The following ZNF106 variants were observed in gnomAD, a reference collection of about 807,000 sequenced individuals.
The protein encoded by ZNF106 is SH3-domain binding protein 3.
ZNF106 carries 67 observed loss-of-function variants against 195.1 expected under a neutral mutation model. The ratio of observed to expected loss-of-function variants is 0.34; its 90% CI spans 0.28 to 0.42. ZNF106 has a LOEUF of 0.42. ZNF106 is among the 10% of genes least tolerant of loss of function. The pLI, the probability that ZNF106 is intolerant of heterozygous loss-of-function variation, is 1.00. For missense variants in ZNF106, 2,118 were observed against 2,304.5 expected (o/e 0.92, Z 1.66); for synonymous variants, 784 against 818.6 (o/e 0.96, Z 0.72).
intron 20 of ZNF106, 75 bp from the exon 21 acceptor site, chr15:42,418,026 A>T (rs2054519930): frequency 6.8e-7 from 1 of 1,462,638 alleles, no homozygotes; most frequent in Non-Finnish European, 9.2e-7. Flanking sequence ...CCCCAGCTGG[A>T]TCCCATAAGC....
intron 4 of ZNF106, among the ~76,000 whole-genome samples, chr15:42,453,170 GGTA>G (rs2141367220): frequency 6.6e-6 from 1 of 152,252 alleles, no homozygotes; most frequent in East Asian, 1.9e-4. Flanking sequence ...AACTGTTAGT[GGTA>G]TAAGAAGACT....
chr15:42,442,825 C>A (rs1452568257), intron 9 of ZNF106, among the ~76,000 whole-genome samples: 1 of 151,658 alleles, frequency 6.6e-6, no homozygotes, highest in Non-Finnish European at 1.5e-5. Flanking sequence ...ACTCTGTCAC[C>A]CAGGCTGGAG....
chr15:42,430,062 T>C lies in ZNF106; in HGVS notation c.4882-1928A>G, dbSNP rs865958399. Among the ~76,000 whole-genome samples, 10 of 152,200 alleles carry C rather than the reference T, an allele frequency of 6.6e-5. 1 individual carries two copies. The highest frequency in any genetic ancestry group is 4.1e-4 in the South Asian group (2 of 4,826). Reference sequence around the variant, plus strand: ...TTTGTGGTAGTTATACAAACAAATATCTGCAGAAAAATTCATCAAGCTGTA... The same window carrying C: ...TTTGTGGTAGTTATACAAACAAATACCTGCAGAAAAATTCATCAAGCTGTA... On this transcript the variant is annotated intron_variant, in intron 14 of 21. Transcript: ENST00000564754.
rs762772817 is a variant in ZNF106 at position 42,435,416 on chromosome 15, T to C, written c.4849A>G (p.Ser1617Gly). ...GKNAALYTGS[S>G]DHTIRCYNVK... ...TTATAGCAGCGGATGGTATGGTCAC[T>C]GGACCCGGTGTAAAGGGCAGCATTC... is the stretch of plus-strand genomic sequence containing the variant. Residue 1617 changes from serine (S) to glycine (G), a missense_variant, in exon 14 of 22, where the codon AGT becomes GGT. By Grantham distance (56) the Ser-to-Gly change is moderately conservative. Transcript: ENST00000564754. 8 of 1,614,192 alleles carry C rather than the reference T, an allele frequency of 5.0e-6. No homozygotes were observed. The highest frequency in any genetic ancestry group is 3.3e-4 in the Middle Eastern group (2 of 6,062).
In ZNF106 at chr15:42,413,470, G is replaced by A. The variant is rs1461229322; in HGVS notation, c.*3834C>T. The A allele has an allele frequency of 1.3e-5, 2 of 152,540 alleles. No individual in the cohort carries two copies. The highest frequency in any genetic ancestry group is 4.8e-5 in the African/African-American group (2 of 41,428). The allele number at this position is 152,540 out of a possible 1,614,324, so 9.4% of individuals were successfully genotyped here. On this transcript the variant is annotated 3_prime_UTR_variant, in exon 22 of 22. Coordinates refer to ENST00000564754, the MANE Select transcript of ZNF106 (RefSeq NM_001366845.3). ...GTAAGCATAAACTGCAGTTATTTGA[G>A]CAAACCAGAGCATATGTGCTGTTCA...
chr15:42,462,269 A>C (rs2056408451), intron 3 of ZNF106, among the ~76,000 whole-genome samples: 1 of 152,216 alleles, frequency 6.6e-6, no homozygotes, highest in Non-Finnish European at 1.5e-5. Context: ...TGGTTCATTA[A>C]GTTAACATCA....
chr15:42,455,286 G>A lies in ZNF106; in HGVS notation c.317+1672C>T, dbSNP rs1046682333. Among the ~76,000 whole-genome samples, 4 of 152,264 alleles carry A rather than the reference G, an allele frequency of 2.6e-5. No individual in the cohort carries two copies. The South Asian group carries it at 6.2e-4, about 24-fold the overall frequency. On this transcript the variant is annotated intron_variant, in intron 4 of 21. Coordinates refer to ENST00000564754, the MANE Select transcript of ZNF106 (RefSeq NM_001366845.3). The stretch of plus-strand genomic sequence containing the variant: ...TTGCATATACATAATGGGATATTAC[G>A]GGAATGGGACCCAAGTCTAAACATA...
intron 4 of ZNF106, among the ~76,000 whole-genome samples, chr15:42,453,691 G>A (rs7169767): frequency 0.07 from 10,578 of 151,734 alleles, 813 homozygotes; most frequent in Admixed American, 0.16. Context: ...TGCCTCTCGA[G>A]TTCAAGCGAT....
At chr15:42,483,097 T>G (rs1184910317) in intron 1 of ZNF106, among the ~76,000 whole-genome samples, 1 of 152,176 alleles carries the variant, frequency 6.6e-6, no homozygotes, top group Non-Finnish European at 1.5e-5. Context: ...GCCCTAAAGT[T>G]AGAAGCCATG....
chr15:42,424,821 G>A lies in ZNF106; in HGVS notation c.5190+13C>T, dbSNP rs1323999836. 6 of 1,611,650 alleles carry A rather than the reference G, an allele frequency of 3.7e-6. No individual in the cohort carries two copies. Among genetic ancestry groups the A allele is most frequent in the Non-Finnish European group, 5.1e-6 (6 of 1,178,378 alleles). On this transcript the variant is annotated intron_variant, in intron 16 of 21. Coordinates refer to ENST00000564754, the MANE Select transcript of ZNF106 (RefSeq NM_001366845.3). ...TGTGCCAGACAACTCCGATTCTCTT[G>A]CACTGTACTTGCCTTCATGCAAAGA...
intron 18 of ZNF106, 147 bp downstream of exon 18, chr15:42,422,354 G>A: frequency 1.8e-6 from 2 of 1,105,038 alleles, no homozygotes; most frequent in Non-Finnish European, 2.5e-6. Flanking sequence ...GCAGTCCACA[G>A]GCCAGCTGTT....
chr15:42,475,692 T>C lies in ZNF106; in HGVS notation c.-32-3371A>G, dbSNP rs117058893. Among the ~76,000 whole-genome samples the C allele has an allele frequency of 7.8e-3, 1,192 of 152,340 alleles. 7 individuals carry two copies. Among genetic ancestry groups the C allele is most frequent in the Non-Finnish European group, 0.013 (885 of 68,034 alleles). ...TAACATCTACTTCAACTTTAATTACTACTTACATGCGTTATTTTGTTACTT... is the reference window on the plus strand; with the variant it reads ...TAACATCTACTTCAACTTTAATTACCACTTACATGCGTTATTTTGTTACTT... On this transcript the variant is annotated intron_variant, in intron 1 of 21. Transcript: ENST00000564754.
rs2056209511 is a variant in ZNF106, at chr15:42,455,888, A to G, written c.317+1070T>C. Among the ~76,000 whole-genome samples the G allele has an allele frequency of 2.0e-5, 3 of 152,186 alleles. No individual in the cohort carries two copies. The South Asian group carries it at 6.2e-4, about 32-fold the overall frequency. On this transcript the variant is annotated intron_variant, in intron 4 of 21. Coordinates refer to ENST00000564754, the MANE Select transcript of ZNF106 (RefSeq NM_001366845.3). ...GTGCTTCTCTCTCTCTTTCCCTCAC[A>G]TTGAAAATTTCTACCTCATTAATTA...
At position 42,448,584 on chromosome 15, in the gene ZNF106, G is replaced by A; in HGVS notation, c.2623C>T (p.Pro875Ser). Reference protein sequence around the residue: ...QWEGVSISSSPGLARKRSLSE... With the variant: ...QWEGVSISSSSGLARKRSLSE... ...AGGCTTCGCTTTCTTGCCAAGCCAG[G>A]GGACGAGGAAATGGAAACACCTTCC... The change falls in exon 6 of 22, where the codon CCT (proline) becomes TCT (serine). Residue 875 changes from proline to serine, a missense_variant. By Grantham distance (74) the Pro-to-Ser change is moderately conservative. Transcript: ENST00000564754. 1 of 1,614,132 alleles carries A rather than the reference G, an allele frequency of 6.2e-7. No homozygotes were observed. The highest frequency in any genetic ancestry group is 8.5e-7 in the Non-Finnish European group (1 of 1,180,022).
chr15:42,477,463 A>G (rs1397865504), intron 1 of ZNF106, among the ~76,000 whole-genome samples: 3 of 152,220 alleles, frequency 2.0e-5, no homozygotes, highest in African/African-American at 7.2e-5. Context: ...TCCCATATTA[A>G]CATCTTTCAT....
intron 14 of ZNF106, among the ~76,000 whole-genome samples, chr15:42,434,908 C>T (rs1567003421): frequency 6.6e-6 from 1 of 151,842 alleles, no homozygotes; most frequent in Non-Finnish European, 1.5e-5. Flanking sequence ...CAAGTAGCTG[C>T]AATTACAGGC....
intron 1 of ZNF106, among the ~76,000 whole-genome samples, chr15:42,484,017 T>C (rs1334726802): frequency 6.6e-6 from 1 of 152,206 alleles, no homozygotes; most frequent in Non-Finnish European, 1.5e-5. Flanking sequence ...TGAGGCACAC[T>C]GTAGAGCAGC....
rs572635321 is a variant in ZNF106 at position 42,415,322 on chromosome 15, A to G, written c.*1982T>C. On this transcript the variant is annotated 3_prime_UTR_variant, in exon 22 of 22. Coordinates refer to ENST00000564754, the MANE Select transcript of ZNF106 (RefSeq NM_001366845.3). The stretch of plus-strand genomic sequence containing the variant: ...TTTTTAATAGAGACGGGGTTTCACT[A>G]TGTTGGCCAGGCTGGTCTCAAATGC... The G allele has an allele frequency of 3.5e-5, 14 of 402,762 alleles. No individual in the cohort carries two copies. The highest frequency in any genetic ancestry group is 2.7e-4 in the African/African-American group (13 of 48,006). The allele number at this position is 402,762 out of a possible 1,614,324, so 24.9% of individuals were successfully genotyped here.
At position 42,439,041 on chromosome 15, in the gene ZNF106, G is replaced by T. The variant is rs556451317; in HGVS notation, c.4536C>A (p.Ile1512=). The change falls in exon 11 of 22, where the codon ATC becomes ATA. Residue 1512 remains isoleucine, a synonymous_variant. Transcript: ENST00000564754. ...CAATACAATATTCTTACCTTACAGGGATGCCATCTTTATAGCGAGTGCCAA... is the reference window on the plus strand; with the variant it reads ...CAATACAATATTCTTACCTTACAGGTATGCCATCTTTATAGCGAGTGCCAA... ...SEIGTRYKDG[I]PVSVAETQTV... is the part of the protein sequence containing the mutation. 81 of 1,612,608 alleles carry T rather than the reference G, an allele frequency of 5.0e-5. 2 individuals are homozygous for T. In the South Asian group the frequency reaches 8.5e-4, roughly 17 times the overall value.
Sources: gnomAD v4.1 joint callset for allele counts (sites outside exome capture counted in the v4.1 genomes callset) on GRCh38, gnomAD v4.1.1 for gene constraint, MANE v1.5 for transcripts, NCBI Gene and HGNC (gene_info 2026-07-23, HGNC 2026-07-21) for gene names.